The following MBTPS2 variants were observed in gnomAD, a reference collection of about 807,000 sequenced individuals.
MBTPS2 encodes membrane-bound transcription factor site-2 protease.
MBTPS2 carries 2 observed loss-of-function variants against 35.4 expected under a neutral mutation model. The observed-to-expected ratio is 0.06, with a 90% CI of 0.02 to 0.18. The LOEUF is 0.18. MBTPS2 is among the 10% of genes least tolerant of loss of function. The pLI is 1.00. For missense variants in MBTPS2, 244 were observed against 386.5 expected (o/e 0.63, Z 3.09); for synonymous variants, 125 against 140.4 (o/e 0.89, Z 0.77).
intron 5 of MBTPS2, chrX:21,856,282 CGCCTTTCTCTGCAGCTCG>C: frequency 3.5e-6 from 1 of 285,938 alleles, no homozygotes; most frequent in East Asian, 7.4e-5. Flanking sequence ...CTCAGTCTCG[CGCCTTTCTCTGCAGCTCG>C]CGCCTTTCTC....
chrX:21,869,743 T>C (rs751043272), intron 7 of MBTPS2, 65 bp downstream of exon 7: 830 of 852,286 alleles, frequency 9.7e-4, no homozygotes, highest in Middle Eastern at 4.7e-3. Flanking sequence ...CACTAATCCT[T>C]AAACCATGTC....
chrX:21,883,459 C>T lies in MBTPS2; in HGVS notation c.*804C>T, dbSNP rs2092961524. ...GAACTTCGGAACTAGGCCGGGTCTC[C>T]TGACAGATCACAAGACACCCCAGAG... is the stretch of plus-strand genomic sequence containing the variant. On this transcript the variant is annotated 3_prime_UTR_variant, in exon 11 of 11. Coordinates refer to ENST00000379484, the MANE Select transcript of MBTPS2 (RefSeq NM_015884.4). The T allele has an allele frequency of 1.3e-6, 1 of 752,453 alleles. No individual in the cohort carries two copies. The highest frequency in any genetic ancestry group is 2.3e-5 in the African/African-American group (1 of 43,050). The allele number at this position is 752,453 out of a possible 1,213,427, so 62.0% of individuals were successfully genotyped here. A position where few individuals can be genotyped will look rare whatever the true frequency, so the allele number is the denominator to read the frequency against.
chrX:21,882,558 A>T lies in MBTPS2; in HGVS notation c.1463A>T (p.Asp488Val). The change falls in exon 11 of 11, where the codon GAT becomes GTT. Residue 488 changes from aspartate to valine, a missense_variant. Transcript: ENST00000379484. ...CTTACCTCAGTGATTGGAGACAATG[A>T]TGTCAAAGATCTAATAGGGTTTTTC... is the stretch of plus-strand genomic sequence containing the variant. Reference protein sequence around the residue: ...ATLTSVIGDNDVKDLIGFFIL... With the variant: ...ATLTSVIGDNVVKDLIGFFIL... 8.3e-7 allele frequency: 1 copy of T among 1,211,313 alleles called. No homozygotes were observed. The highest frequency in any genetic ancestry group is 1.1e-6 in the Non-Finnish European group (1 of 895,171).
At chrX:21,850,017 ACTCCGT>A (rs1489207337) in intron 3 of MBTPS2, among the ~76,000 whole-genome samples, 9 of 88,260 alleles carry the variant, frequency 1.0e-4, no homozygotes, top group Non-Finnish European at 1.9e-4. Context: ...ACAGAGCGAG[ACTCCGT>A]CTCAAAAAAA....
chrX:21,873,479 T>C (rs2092949496), intron 7 of MBTPS2, among the ~76,000 whole-genome samples: 1 of 112,313 alleles, frequency 8.9e-6, no homozygotes, highest in African/African-American at 3.2e-5. Context: ...AGGCACTCCT[T>C]ATTTCATATA....
chrX:21,868,497 T>G lies in MBTPS2; in HGVS notation c.701T>G (p.Leu234Trp). Residue 234 changes from leucine (L) to tryptophan (W), a missense_variant, in exon 6 of 11, where the codon TTG becomes TGG. Coordinates refer to ENST00000379484, the MANE Select transcript of MBTPS2 (RefSeq NM_015884.4). The part of the protein sequence containing the change: ...GIWHNFVLAL[L>W]GILALVLLPV... ...TGGCATAATTTTGTCCTTGCACTCT[T>G]GGGTATTTTAGCTCTTGTTCTCCTC... 3.3e-6 allele frequency: 4 copies of G among 1,208,654 alleles called. No homozygotes were observed. Among genetic ancestry groups the G allele is most frequent in the Non-Finnish European group, 4.5e-6 (4 of 892,705 alleles).
At chrX:21,877,633 C>T (rs1248023840) in intron 7 of MBTPS2, among the ~76,000 whole-genome samples, 1 of 111,458 alleles carries the variant, frequency 9.0e-6, no homozygotes, top group Non-Finnish European at 1.9e-5. Context: ...CTTAGGCAAC[C>T]TCTGGCCCCC....
rs2092900410 is a variant in MBTPS2, at chrX:21,839,656, G to GGC, written c.-71_-70dup. The GGC allele has an allele frequency of 2.9e-6, 3 of 1,035,770 alleles. No homozygotes were observed. The highest frequency in any genetic ancestry group is 4.0e-6 in the Non-Finnish European group (3 of 753,633). 85.4% of individuals were successfully genotyped at this position (1,035,770 alleles called of 1,213,427 possible). ...TCCTGAGCGGATGCTGGGGCTGTAA[G>GGC]GCGCGCGCGGTCAGCTGTTGGCGGT... On this transcript the variant is annotated 5_prime_UTR_variant, in exon 1 of 11. Coordinates refer to ENST00000379484, the MANE Select transcript of MBTPS2 (RefSeq NM_015884.4).
intron 3 of MBTPS2, among the ~76,000 whole-genome samples, chrX:21,849,431 C>G (rs1232840126): frequency 9.0e-6 from 1 of 111,275 alleles, no homozygotes; most frequent in Non-Finnish European, 1.9e-5. Context: ...TACAAATGGT[C>G]AAAGAAATGT....
At chrX:21,873,358 C>T (rs1489356703) in intron 7 of MBTPS2, among the ~76,000 whole-genome samples, 2 of 112,176 alleles carry the variant, frequency 1.8e-5, no homozygotes, top group African/African-American at 6.5e-5. Context: ...TGTCCATACA[C>T]CACTCAGTGA....
intron 5 of MBTPS2, among the ~76,000 whole-genome samples, chrX:21,867,862 A>T (rs1473190790): frequency 9.0e-6 from 1 of 110,793 alleles, no homozygotes; most frequent in African/African-American, 3.3e-5. Context: ...GCTGGTGTTG[A>T]TCTCCTGACC....
intron 7 of MBTPS2, among the ~76,000 whole-genome samples, chrX:21,874,272 G>T (rs1335643369): frequency 9.4e-6 from 1 of 106,733 alleles, no homozygotes; most frequent in African/African-American, 3.4e-5. Flanking sequence ...TGATCCCCCC[G>T]CCTCGGCCTC....
At chrX:21,864,791 C>G (rs1049579694) in intron 5 of MBTPS2, among the ~76,000 whole-genome samples, 1 of 110,704 alleles carries the variant, frequency 9.0e-6, no homozygotes, top group Non-Finnish European at 1.9e-5. Flanking sequence ...CCACTGCACT[C>G]CAGCTGGATG....
intron 1 of MBTPS2, among the ~76,000 whole-genome samples, chrX:21,841,337 C>CT (rs2092902349): frequency 1.0e-5 from 1 of 95,435 alleles, no homozygotes; most frequent in Non-Finnish European, 2.1e-5. Flanking sequence ...AGGAGGATCT[C>CT]TTGAGTCTGA....
chrX:21,870,995 GT>G (rs748226041), intron 7 of MBTPS2: 11 of 112,089 alleles, frequency 9.8e-5, no homozygotes, highest in African/African-American at 3.6e-4. Context: ...ATCAAGAATA[GT>G]TTTAGTAAAG....
chrX:21,866,766 C>T (rs1051815685), intron 5 of MBTPS2, among the ~76,000 whole-genome samples: 1 of 110,764 alleles, frequency 9.0e-6, no homozygotes, highest in East Asian at 2.8e-4. Flanking sequence ...GTGGCTCACA[C>T]CTGTAATCCT....
Position 21,869,494 on chromosome X carries a change from C to T in MBTPS2, c.790-4C>T, listed in dbSNP as rs1402172223. 7.5e-6 allele frequency: 9 copies of T among 1,204,129 alleles called. No individual in the cohort carries two copies. The highest frequency in any genetic ancestry group is 9.0e-6 in the Non-Finnish European group (8 of 889,923). ...ATCTGATTTGGTTTTACCCTCTTCC[C>T]AAGGACTCTCCTGCCATTGGACCCA... On this transcript the variant is annotated splice_region_variant and splice_polypyrimidine_tract_variant and intron_variant, in intron 6 of 10. Transcript: ENST00000379484.
At chrX:21,859,761 G>T (rs779138001) in intron 5 of MBTPS2, among the ~76,000 whole-genome samples, 1 of 111,502 alleles carries the variant, frequency 9.0e-6, no homozygotes, top group East Asian at 2.8e-4. Context: ...ATCCTACAAT[G>T]CGCAGACAGC....
chrX:21,868,449 T>G lies in MBTPS2; in HGVS notation c.671-18T>G. On this transcript the variant is annotated intron_variant, in intron 5 of 10. Coordinates refer to ENST00000379484, the MANE Select transcript of MBTPS2 (RefSeq NM_015884.4). ...CTGCCCCCGGTTGAGCTTATTGCTT[T>G]TTTTCCTCTCTTTCCAGGTATCTGG... The G allele has an allele frequency of 1.8e-6, 2 of 1,090,075 alleles. No individual in the cohort carries two copies. The allele number at this position is 1,090,075 out of a possible 1,213,427, so 89.8% of individuals were successfully genotyped here.
Sources: allele counts gnomAD v4.1 joint callset (sites outside exome capture counted in the v4.1 genomes callset), GRCh38; gene constraint gnomAD v4.1.1; transcripts MANE v1.5; gene names NCBI Gene and HGNC (gene_info 2026-07-23, HGNC 2026-07-21).